Variants in FHOD3 observed in about 807,000 individuals in gnomAD.
FHOD3 encodes formin homology 2 domain containing 3, also known as FH1/FH2 domain-containing protein 3.
FHOD3 carries 90 observed loss-of-function variants against 173.0 expected under a neutral mutation model. The ratio of observed to expected loss-of-function variants is 0.52; its 90% CI spans 0.44 to 0.62. The LOEUF (loss-of-function observed/expected upper bound fraction) is 0.62. Among genes scored for constraint, FHOD3 ranks in the 20% least tolerant of loss-of-function variants. FHOD3 has a pLI of 0.00. For synonymous variants in FHOD3, 828 were observed against 823.0 expected (o/e 1.01, Z -0.10); for missense variants, 1,945 against 2,034.7 (o/e 0.96, Z 0.85).
At chr18:36,369,610 A>T (rs540280308) in intron 2 of FHOD3, among the ~76,000 whole-genome samples, 2 of 151,966 alleles carry the variant, frequency 1.3e-5, no homozygotes, top group Non-Finnish European at 2.9e-5. Context: ...TGTATATATA[A>T]TATATATGTT....
chr18:36,481,987 T>C (rs1424553597), intron 3 of FHOD3, among the ~76,000 whole-genome samples: 3 of 152,186 alleles, frequency 2.0e-5, no homozygotes, highest in Non-Finnish European at 4.4e-5. Flanking sequence ...GCAGAAGGTA[T>C]GTATGTCTGA....
Position 36,534,598 on chromosome 18 carries a change from C to T in FHOD3, c.511+22055C>T, listed in dbSNP as rs539727593. ...CTCAGCTCACTGCAACTTCCACCTC[C>T]CGGGCTCAAGCAATCCTCCCAGAAG... is the stretch of plus-strand genomic sequence containing the variant. On this transcript the variant is annotated intron_variant, in intron 5 of 28. Coordinates refer to ENST00000590592, the MANE Select transcript of FHOD3 (RefSeq NM_001281740.3). 5.4e-4 allele frequency among the ~76,000 whole-genome samples: 82 copies of T among 152,222 alleles called. 1 individual carries two copies. Among genetic ancestry groups the T allele is most frequent in the Admixed American group, 5.2e-3 (80 of 15,288 alleles).
intron 4 of FHOD3, among the ~76,000 whole-genome samples, chr18:36,506,989 A>G (rs2055339831): frequency 6.6e-6 from 1 of 152,258 alleles, no homozygotes; most frequent in Admixed American, 6.5e-5. Flanking sequence ...TAATCAAAAC[A>G]CAACATTGTA....
intron 19 of FHOD3, among the ~76,000 whole-genome samples, chr18:36,725,722 CA>C (rs1168272288): frequency 2.0e-5 from 3 of 152,186 alleles, no homozygotes; most frequent in African/African-American, 7.2e-5. Context: ...TCCAGCCTGT[CA>C]TAATGTTCAC....
chr18:36,688,770 GC>G (rs2038784507), intron 16 of FHOD3, among the ~76,000 whole-genome samples: 1 of 152,226 alleles, frequency 6.6e-6, no homozygotes, highest in Non-Finnish European at 1.5e-5. Context: ...TGGTTTAAGT[GC>G]TGTGTCAAGA....
At chr18:36,437,102 AGCTTTTTT>A (rs963439987) in intron 3 of FHOD3, among the ~76,000 whole-genome samples, 5 of 152,130 alleles carry the variant, frequency 3.3e-5, no homozygotes, top group African/African-American at 1.2e-4. Context: ...TATGAGTATT[AGCTTTTTT>A]GCTTTTTTGT....
chr18:36,720,860 C>T (rs377677659), intron 19 of FHOD3, among the ~76,000 whole-genome samples: 7 of 151,892 alleles, frequency 4.6e-5, no homozygotes, highest in Admixed American at 1.3e-4. Flanking sequence ...TCGTGGTTCC[C>T]GATCAGGTTG....
At chr18:36,556,447 A>T (rs1248253750) in intron 5 of FHOD3, among the ~76,000 whole-genome samples, 2 of 152,204 alleles carry the variant, frequency 1.3e-5, no homozygotes, top group Non-Finnish European at 2.9e-5. Flanking sequence ...GAGTATGCAC[A>T]GGTTTTTGGC....
chr18:36,541,266 AAAAAAAGAAAGAAAAAAG>A (rs1448440361), intron 5 of FHOD3, among the ~76,000 whole-genome samples: 5 of 148,266 alleles, frequency 3.4e-5, no homozygotes, highest in African/African-American at 1.2e-4. Context: ...AAAAAAAAAA[AAAAAAAGAAAGAAAAAAG>A]AAAAAAAGTG....
At chr18:36,497,457 T>G (rs377288759) in intron 3 of FHOD3, among the ~76,000 whole-genome samples, 42 of 152,334 alleles carry the variant, frequency 2.8e-4, no homozygotes, top group East Asian at 2.3e-3. Context: ...ATGGTCAGAT[T>G]GCATGTAAGC....
chr18:36,471,567 C>T (rs548867529), intron 3 of FHOD3, among the ~76,000 whole-genome samples: 1 of 152,286 alleles, frequency 6.6e-6, no homozygotes, highest in African/African-American at 2.4e-5. Context: ...GAACAATGGT[C>T]TATTCAGCAC....
intron 1 of FHOD3, among the ~76,000 whole-genome samples, chr18:36,334,637 A>ATGTC (rs1389547694): frequency 2.0e-4 from 31 of 152,182 alleles, no homozygotes; most frequent in Admixed American, 2.0e-3. Flanking sequence ...GGTGATCAGA[A>ATGTC]TGTCTCAGTC....
chr18:36,749,301 G>A (rs1417879618), intron 24 of FHOD3, among the ~76,000 whole-genome samples: 4 of 152,120 alleles, frequency 2.6e-5, no homozygotes, highest in South Asian at 2.1e-4. Context: ...CCCAGTATCC[G>A]ATAGTTATCT....
intron 3 of FHOD3, among the ~76,000 whole-genome samples, chr18:36,465,892 A>G (rs376257915): frequency 4.7e-4 from 71 of 152,144 alleles, no homozygotes; most frequent in African/African-American, 1.5e-3. Flanking sequence ...CCTCTTCTTA[A>G]TGCATAGGGA....
chr18:36,350,384 C>T (rs55917884), intron 1 of FHOD3, among the ~76,000 whole-genome samples: 5,427 of 152,240 alleles, frequency 0.036, 134 homozygotes, highest in Non-Finnish European at 0.052. Context: ...CCTGTTGCAC[C>T]GCTGTCACTG....
intron 17 of FHOD3, among the ~76,000 whole-genome samples, chr18:36,698,089 G>T (rs1568626001): frequency 6.6e-6 from 1 of 152,184 alleles, no homozygotes; most frequent in Non-Finnish European, 1.5e-5. Context: ...GATGCCTCCA[G>T]TTCAGTGTTT....
At chr18:36,548,173 G>C (rs3859356) in intron 5 of FHOD3, among the ~76,000 whole-genome samples, 25,475 of 152,044 alleles carry the variant, frequency 0.17, 2,334 homozygotes, top group East Asian at 0.4. Flanking sequence ...GCCTGGGTGA[G>C]AGAGTGAGAC....
At chr18:36,443,245 G>C (rs1599137242) in intron 3 of FHOD3, among the ~76,000 whole-genome samples, 1 of 152,106 alleles carries the variant, frequency 6.6e-6, no homozygotes, top group East Asian at 1.9e-4. Context: ...ATTCTTGCCT[G>C]TGACGATCAT....
chr18:36,740,559 C>T, intron 20 of FHOD3, 97 bp from the exon 21 acceptor site: 2 of 1,249,884 alleles, frequency 1.6e-6, no homozygotes, highest in Non-Finnish European at 2.2e-6. Context: ...CCTCTACTAC[C>T]TGGTTGGAAA....
Sources: gnomAD v4.1 joint callset for allele counts (sites outside exome capture counted in the v4.1 genomes callset) on GRCh38, gnomAD v4.1.1 for gene constraint, MANE v1.5 for transcripts, NCBI Gene and HGNC (gene_info 2026-07-23, HGNC 2026-07-21) for gene names.